FILIP1L: variants seen among roughly 807,000 people sequenced by gnomAD.
FILIP1L encodes filamin A interacting protein 1 like.
FILIP1L carries 55 observed loss-of-function variants against 96.6 expected under a neutral mutation model. The ratio of observed to expected loss-of-function variants is 0.57; its 90% CI spans 0.46 to 0.71. FILIP1L has a LOEUF of 0.71. Among genes scored for constraint, FILIP1L ranks in the 30% least tolerant of loss-of-function variants. The pLI, the probability that FILIP1L is intolerant of heterozygous loss-of-function variation, is 0.00. For synonymous variants in FILIP1L, 467 were observed against 473.9 expected, an observed-to-expected ratio of 0.99 and a Z score of 0.19; for missense variants, 1,304 against 1,321.2, an observed-to-expected ratio of 0.99 and a Z score of 0.20.
At chr3:99,934,928 G>C (rs1191119145) in intron 1 of FILIP1L, among the ~76,000 whole-genome samples, 1 of 152,192 alleles carries the variant, frequency 6.6e-6, no homozygotes, top group Non-Finnish European at 1.5e-5. Flanking sequence ...CATTCTCACT[G>C]ATTAATGAAG....
chr3:99,975,031 C>A (rs944366490), intron 1 of FILIP1L, among the ~76,000 whole-genome samples: 6 of 152,140 alleles, frequency 3.9e-5, no homozygotes, highest in African/African-American at 1.4e-4. Flanking sequence ...TCATTAATTA[C>A]AGTTAATAAC....
Position 99,848,296 on chromosome 3 carries a change from G to A in FILIP1L, c.3380C>T (p.Thr1127Ile), listed in dbSNP as rs762088031. ...TGGTCAGTTATATATATTACTTACT[G>A]TAATTTGTGATTGTCGAGGAAGAGG... ...ATPLPRQSQI[T>I]IKEVCKQRIP... Residue 1127 changes from threonine to isoleucine, a missense_variant and splice_region_variant, in exon 5 of 6, where the codon ACA (threonine) becomes ATA (isoleucine). Thr to Ile is a moderately conservative substitution (Grantham distance 89, BLOSUM62 -1). Transcript: ENST00000477258. 6.2e-7 allele frequency: 1 copy of A among 1,613,906 alleles called. No homozygotes were observed. Among genetic ancestry groups the A allele is most frequent in the Admixed American group, 1.7e-5 (1 of 60,006 alleles).
chr3:99,849,011 G>A lies in FILIP1L; in HGVS notation c.2665C>T (p.Pro889Ser), dbSNP rs1943515317. 6.2e-7 allele frequency: 1 copy of A among 1,614,124 alleles called. No individual in the cohort carries two copies. Among genetic ancestry groups the A allele is most frequent in the African/African-American group, 1.3e-5 (1 of 75,032 alleles). ...QTKPNANFVQ[P>S]GDLVLSHTPG... ...GTGTGGCTTAGGACTAGATCTCCAG[G>A]TTGCACAAAGTTGGCATTGGGTTTA... Residue 889 changes from proline to serine, a missense_variant, in exon 5 of 6, where the codon CCT becomes TCT. Transcript: ENST00000477258.
At chr3:99,956,414 A>G (rs542791887) in intron 1 of FILIP1L, among the ~76,000 whole-genome samples, 3 of 152,298 alleles carry the variant, frequency 2.0e-5, no homozygotes, top group South Asian at 2.1e-4. Flanking sequence ...GTGCCCTGGC[A>G]TGATCTTGGC....
chr3:99,917,332 C>T (rs986680311), intron 4 of FILIP1L, among the ~76,000 whole-genome samples: 1 of 152,146 alleles, frequency 6.6e-6, no homozygotes, highest in Non-Finnish European at 1.5e-5. Context: ...TGTCTTTTCA[C>T]CTGTATTTTA....
chr3:100,062,961 G>A (rs2291494), intron 1 of FILIP1L, among the ~76,000 whole-genome samples: 28,156 of 152,170 alleles, frequency 0.19, 2,946 homozygotes, highest in South Asian at 0.25. Context: ...TGTTCAGCAC[G>A]AAAGGAGGAT....
chr3:99,908,170 C>T (rs887051964), intron 4 of FILIP1L, among the ~76,000 whole-genome samples: 8 of 152,184 alleles, frequency 5.3e-5, no homozygotes, highest in Non-Finnish European at 5.9e-5. Context: ...ATAACATAGC[C>T]CATGCAGCTG....
intron 4 of FILIP1L, among the ~76,000 whole-genome samples, chr3:99,888,349 G>A (rs560459324): frequency 6.6e-6 from 1 of 152,056 alleles, no homozygotes; most frequent in East Asian, 1.9e-4. Context: ...CTGGGCAACA[G>A]AGTGAGACTC....
chr3:99,851,300 C>A (rs947116209), intron 4 of FILIP1L, among the ~76,000 whole-genome samples: 1 of 152,112 alleles, frequency 6.6e-6, no homozygotes, highest in East Asian at 1.9e-4. Context: ...TCACCAGGAG[C>A]CTTAGTAAAA....
chr3:99,886,045 G>A (rs1234275877), intron 4 of FILIP1L, among the ~76,000 whole-genome samples: 1 of 152,222 alleles, frequency 6.6e-6, no homozygotes, highest in Non-Finnish European at 1.5e-5. Context: ...GATAAAAGAG[G>A]TATTACACTT....
At chr3:100,086,454 T>G (rs1195763352) in intron 1 of FILIP1L, among the ~76,000 whole-genome samples, 2 of 152,226 alleles carry the variant, frequency 1.3e-5, no homozygotes, top group Admixed American at 1.3e-4. Context: ...TTATCTGTGC[T>G]TTCTCACTTA....
rs777482850 is a variant in FILIP1L, at chr3:99,849,903, C to G, written c.1773G>C (p.Arg591Ser). The change falls in exon 5 of 6, where the codon AGG (arginine) becomes AGC (serine). Residue 591 changes from arginine to serine, a missense_variant. By Grantham distance (110) the Arg-to-Ser change is moderately radical (BLOSUM62 -1). Transcript: ENST00000477258. ...LLSRVNMLKN[R>S]LQSLEAIEKD... ...TCTCAATTGCTTCCAATGATTGAAG[C>G]CTATTTTTCAACATATTAACTCTTG... 5 of 1,611,952 alleles carry G rather than the reference C, an allele frequency of 3.1e-6. No homozygotes were observed. The highest frequency in any genetic ancestry group is 3.4e-6 in the Non-Finnish European group (4 of 1,179,606).
intron 1 of FILIP1L, among the ~76,000 whole-genome samples, chr3:100,098,764 C>T (rs1281718414): frequency 2.0e-5 from 3 of 152,142 alleles, no homozygotes; most frequent in African/African-American, 7.2e-5. Flanking sequence ...GAAAACAAAC[C>T]ATTAGCAAGG....
At chr3:99,942,817 T>C (rs137975979) in intron 1 of FILIP1L, among the ~76,000 whole-genome samples, 1,750 of 150,984 alleles carry the variant, frequency 0.012, 18 homozygotes, top group African/African-American at 0.026. Context: ...CGACAGAGTG[T>C]GACTCTGTCT....
At chr3:100,029,358 A>G (rs1226084407) in intron 1 of FILIP1L, among the ~76,000 whole-genome samples, 1 of 152,106 alleles carries the variant, frequency 6.6e-6, no homozygotes, top group Non-Finnish European at 1.5e-5. Context: ...TAATTGTTCA[A>G]TAAAGTCAAG....
At chr3:99,887,132 A>G (rs529092097) in intron 4 of FILIP1L, among the ~76,000 whole-genome samples, 5 of 151,820 alleles carry the variant, frequency 3.3e-5, no homozygotes, top group Admixed American at 2.6e-4. Flanking sequence ...TTAGCCGGGC[A>G]TGGTGGCGTG....
At chr3:99,834,217 G>C (rs962239946) in intron 5 of FILIP1L, among the ~76,000 whole-genome samples, 1 of 152,082 alleles carries the variant, frequency 6.6e-6, no homozygotes, top group African/African-American at 2.4e-5. Context: ...TACAGGAAAG[G>C]GTCTTTCAAA....
chr3:100,077,794 C>T lies in FILIP1L; in HGVS notation c.-11+36259G>A, dbSNP rs149473598. On this transcript the variant is annotated intron_variant, in intron 1 of 5. Coordinates refer to ENST00000477258, the MANE Select transcript of FILIP1L (RefSeq NM_001387850.1). ...GCATGGCTGTGCATGTCTGTGGTCCCGCTACTGGGAGGCTGAGACAGGAGG... is the reference window on the plus strand; with the variant it reads ...GCATGGCTGTGCATGTCTGTGGTCCTGCTACTGGGAGGCTGAGACAGGAGG... 1.0e-3 allele frequency among the ~76,000 whole-genome samples: 152 copies of T among 152,090 alleles called. 1 individual carries two copies. Among genetic ancestry groups the T allele is most frequent in the African/African-American group, 2.8e-3 (117 of 41,488 alleles).
At chr3:100,030,733 A>G (rs2065009600) in intron 1 of FILIP1L, among the ~76,000 whole-genome samples, 3 of 152,202 alleles carry the variant, frequency 2.0e-5, no homozygotes, top group Admixed American at 6.6e-5. Flanking sequence ...CAAATCAGCT[A>G]TATAGTTAGC....
Sources: allele counts gnomAD v4.1 joint callset (sites outside exome capture counted in the v4.1 genomes callset), GRCh38; gene constraint gnomAD v4.1.1; transcripts MANE v1.5; gene names NCBI Gene and HGNC (gene_info 2026-07-23, HGNC 2026-07-21).